Variants in CNTN5 observed in about 807,000 individuals in gnomAD.
The protein encoded by CNTN5 is contactin 5.
Under a neutral mutation model 129.1 loss-of-function variants are expected in CNTN5, and 77 were observed. The observed-to-expected ratio is 0.60, with a 90% CI of 0.50 to 0.72. CNTN5 has a LOEUF of 0.72. Among genes scored for constraint, CNTN5 ranks in the 30% least tolerant of loss-of-function variants. The pLI is 0.00. For missense variants in CNTN5, 1,478 were observed against 1,328.8 expected, an observed-to-expected ratio of 1.11 and a Z score of -1.75; for synonymous variants, 509 against 465.6, an observed-to-expected ratio of 1.09 and a Z score of -1.20.
intron 1 of CNTN5, among the ~76,000 whole-genome samples, chr11:99,097,353 A>G (rs1866519767): frequency 6.6e-6 from 1 of 151,934 alleles, no homozygotes; most frequent in South Asian, 2.1e-4. Flanking sequence ...AAGCAAAGCA[A>G]AAATATGATG....
chr11:99,049,549 G>A (rs768362570), intron 1 of CNTN5: 1 of 152,096 alleles, frequency 6.6e-6, no homozygotes, highest in African/African-American at 2.4e-5. Context: ...CAGAAAGTGA[G>A]AGAACAGAAG....
intron 9 of CNTN5, among the ~76,000 whole-genome samples, chr11:100,043,563 A>G (rs1461232029): frequency 6.6e-6 from 1 of 152,184 alleles, no homozygotes; most frequent in African/African-American, 2.4e-5. Context: ...TTGCTTTCTT[A>G]TGCCCATCCT....
At chr11:100,182,904 T>C (rs1162040030) in intron 13 of CNTN5, among the ~76,000 whole-genome samples, 2 of 148,586 alleles carry the variant, frequency 1.3e-5, no homozygotes, top group African/African-American at 4.9e-5. Flanking sequence ...TTATACACTG[T>C]AAAAAAAAAA....
chr11:99,378,746 A>T, intron 2 of CNTN5, among the ~76,000 whole-genome samples: 1 of 151,998 alleles, frequency 6.6e-6, no homozygotes. Flanking sequence ...GGCTAGGTTT[A>T]AAAAAAAGTG....
intron 23 of CNTN5, 91 bp downstream of exon 23, chr11:100,341,296 T>A: frequency 2.3e-6 from 2 of 870,906 alleles, no homozygotes; most frequent in Non-Finnish European, 3.8e-6. Context: ...AAAGACCCAT[T>A]AACCAACCTA....
chr11:99,761,711 G>A (rs1431186580), intron 3 of CNTN5, among the ~76,000 whole-genome samples: 1 of 151,032 alleles, frequency 6.6e-6, no homozygotes, highest in Non-Finnish European at 1.5e-5. Flanking sequence ...TGTGAATAAT[G>A]CCGCAATAAA....
chr11:99,578,634 G>C (rs1215370976), intron 3 of CNTN5, among the ~76,000 whole-genome samples: 1 of 149,348 alleles, frequency 6.7e-6, no homozygotes, highest in Non-Finnish European at 1.5e-5. Flanking sequence ...CTTCTTTTGA[G>C]AAGTGTCTGT....
intron 2 of CNTN5, among the ~76,000 whole-genome samples, chr11:99,344,827 A>G (rs1411810527): frequency 6.6e-6 from 1 of 152,194 alleles, no homozygotes; most frequent in East Asian, 1.9e-4. Flanking sequence ...TAAAGAAGAA[A>G]TGTTACAATG....
At chr11:99,996,660 A>T (rs1318884413) in intron 8 of CNTN5, among the ~76,000 whole-genome samples, 1 of 152,170 alleles carries the variant, frequency 6.6e-6, no homozygotes, top group Non-Finnish European at 1.5e-5. Context: ...CTGATAAAGA[A>T]TACTTGAGAC....
At chr11:99,795,876 A>T (rs1037366315) in intron 3 of CNTN5, among the ~76,000 whole-genome samples, 1 of 152,026 alleles carries the variant, frequency 6.6e-6, no homozygotes, top group East Asian at 1.9e-4. Flanking sequence ...GTATTTTTGG[A>T]CCACCGATCA....
At chr11:100,083,536 G>A (rs990322084) in intron 13 of CNTN5, among the ~76,000 whole-genome samples, 4 of 151,936 alleles carry the variant, frequency 2.6e-5, no homozygotes, top group Admixed American at 1.3e-4. Flanking sequence ...CATGTAAACC[G>A]TACTATCCAT....
intron 2 of CNTN5, among the ~76,000 whole-genome samples, chr11:99,529,029 T>A (rs1947597917): frequency 1.3e-5 from 2 of 152,130 alleles, no homozygotes; most frequent in African/African-American, 4.8e-5. Flanking sequence ...GAGCCAAGAT[T>A]GTGCCATTGC....
At chr11:99,101,597 T>G (rs550687890) in intron 1 of CNTN5, among the ~76,000 whole-genome samples, 133 of 152,310 alleles carry the variant, frequency 8.7e-4, no homozygotes, top group African/African-American at 3.2e-3. Flanking sequence ...TATGCCAGTT[T>G]AAAATCCAGT....
At chr11:99,412,763 G>T (rs1198574894) in intron 2 of CNTN5, among the ~76,000 whole-genome samples, 1 of 152,148 alleles carries the variant, frequency 6.6e-6, no homozygotes, top group Non-Finnish European at 1.5e-5. Flanking sequence ...TTTATCACTT[G>T]CTCTCTTTAT....
At chr11:99,491,368 C>T (rs144901461) in intron 2 of CNTN5, among the ~76,000 whole-genome samples, 1,757 of 152,060 alleles carry the variant, frequency 0.012, 21 homozygotes, top group Non-Finnish European at 0.019. Flanking sequence ...ACTGTCAAAA[C>T]GGACTAAAGG....
intron 2 of CNTN5, among the ~76,000 whole-genome samples, chr11:99,418,477 G>A (rs936090696): frequency 6.6e-6 from 1 of 152,136 alleles, no homozygotes; most frequent in East Asian, 1.9e-4. Flanking sequence ...CATGTCCAAA[G>A]GGATAATTGA....
intron 1 of CNTN5, among the ~76,000 whole-genome samples, chr11:99,039,120 G>A (rs1275511298): frequency 6.6e-6 from 1 of 152,016 alleles, no homozygotes. Flanking sequence ...ACTGAATTAA[G>A]AATAGAGTCC....
intron 3 of CNTN5, among the ~76,000 whole-genome samples, chr11:99,786,081 C>A (rs572053179): frequency 6.6e-6 from 1 of 152,008 alleles, no homozygotes; most frequent in East Asian, 1.9e-4. Context: ...GTTTGCAGAT[C>A]ACATGATTGT....
intron 3 of CNTN5, among the ~76,000 whole-genome samples, chr11:99,570,907 C>A (rs1261428016): frequency 2.6e-5 from 4 of 152,122 alleles, no homozygotes; most frequent in Non-Finnish European, 5.9e-5. Flanking sequence ...ACATGAATAT[C>A]TGAAACAGTA....
Sources: allele counts gnomAD v4.1 joint callset (sites outside exome capture counted in the v4.1 genomes callset), GRCh38; gene constraint gnomAD v4.1.1; transcripts MANE v1.5; gene names NCBI Gene and HGNC (gene_info 2026-07-23, HGNC 2026-07-21).